Variants in PTPRD observed in about 807,000 individuals in gnomAD.
PTPRD encodes the protein protein tyrosine phosphatase receptor type D.
PTPRD carries 34 observed loss-of-function variants against 214.5 expected under a neutral mutation model. The observed-to-expected ratio is 0.16, with a 90% CI of 0.12 to 0.21. The LOEUF (loss-of-function observed/expected upper bound fraction) is 0.21, where lower values mean the gene tolerates loss of function less well. Among genes scored for constraint, PTPRD ranks in the 10% least tolerant of loss-of-function variants. The pLI is 1.00. For missense variants in PTPRD, 2,545 were observed against 2,398.7 expected, an observed-to-expected ratio of 1.06 and a Z score of -1.27; for synonymous variants, 1,128 against 845.7, an observed-to-expected ratio of 1.33 and a Z score of -5.79.
chr9:9,377,968 A>T (rs528431252), intron 9 of PTPRD, among the ~76,000 whole-genome samples: 1 of 152,200 alleles, frequency 6.6e-6, no homozygotes, highest in South Asian at 2.1e-4. Context: ...AGAGGAAAGT[A>T]CAGAGATTTC....
intron 11 of PTPRD, among the ~76,000 whole-genome samples, chr9:8,865,390 A>T (rs1479370349): frequency 6.6e-5 from 10 of 152,288 alleles, no homozygotes; most frequent in Non-Finnish European, 1.5e-5. Context: ...CTTTAAGCAC[A>T]ATAGGCATTT....
Position 8,962,538 on chromosome 9 carries a change from AAG to A in PTPRD, c.-104+56157_-104+56158del, listed in dbSNP as rs34968070. 1.4e-3 allele frequency among the ~76,000 whole-genome samples: 214 copies of A among 149,736 alleles called. 1 individual carries two copies. The highest frequency in any genetic ancestry group is 2.8e-3 in the Admixed American group (42 of 14,998). On this transcript the variant is annotated intron_variant, in intron 11 of 45. Coordinates refer to ENST00000381196, the MANE Select transcript of PTPRD (RefSeq NM_002839.4). ...AAAAGGAGAAAAGGAAGAAGAGAGA[AAG>A]AGAGAGAGAGAGAGAGCGAGAGCAC...
chr9:9,415,609 A>C (rs2076758838), intron 8 of PTPRD, among the ~76,000 whole-genome samples: 1 of 152,246 alleles, frequency 6.6e-6, no homozygotes, highest in South Asian at 2.1e-4. Context: ...ATATAAATTC[A>C]ACAGACACTG....
chr9:9,442,340 G>A (rs1301220078), intron 8 of PTPRD: 1 of 152,376 alleles, frequency 6.6e-6, no homozygotes, highest in East Asian at 1.9e-4. Flanking sequence ...TATAGCCACA[G>A]TTCCTTTCGC....
intron 8 of PTPRD, among the ~76,000 whole-genome samples, chr9:9,499,847 C>A (rs1367026332): frequency 6.6e-6 from 1 of 151,992 alleles, no homozygotes; most frequent in African/African-American, 2.4e-5. Flanking sequence ...AGATAAGAGA[C>A]TAATGAATTA....
chr9:10,015,721 G>C (rs1162156713), intron 4 of PTPRD, among the ~76,000 whole-genome samples: 1 of 152,140 alleles, frequency 6.6e-6, no homozygotes, highest in African/African-American at 2.4e-5. Flanking sequence ...AGAAAGAAGA[G>C]AAAGAGGTGG....
intron 2 of PTPRD, among the ~76,000 whole-genome samples, chr9:10,428,737 T>C (rs907712762): frequency 4.6e-5 from 7 of 152,068 alleles, no homozygotes; most frequent in African/African-American, 7.2e-5. Context: ...TTCTATTTGG[T>C]CCATGGTCTA....
chr9:8,888,540 C>T (rs2098510811), intron 11 of PTPRD, among the ~76,000 whole-genome samples: 1 of 152,122 alleles, frequency 6.6e-6, no homozygotes, highest in Non-Finnish European at 1.5e-5. Context: ...TCGTGTGAAA[C>T]CAAAATTCAT....
At chr9:9,778,951 CA>C (rs2098821164) in intron 5 of PTPRD, among the ~76,000 whole-genome samples, 1 of 151,724 alleles carries the variant, frequency 6.6e-6, no homozygotes, top group Non-Finnish European at 1.5e-5. Flanking sequence ...TACCCAACTT[CA>C]AACTATAAAG....
intron 9 of PTPRD, among the ~76,000 whole-genome samples, chr9:9,275,337 A>G (rs1945181606): frequency 6.8e-6 from 1 of 147,182 alleles, no homozygotes; most frequent in Non-Finnish European, 1.5e-5. Context: ...AGTTATTCTC[A>G]GAAAAAACTT....
chr9:9,507,738 T>A (rs559246766), intron 8 of PTPRD, among the ~76,000 whole-genome samples: 2 of 151,548 alleles, frequency 1.3e-5, no homozygotes, highest in African/African-American at 4.8e-5. Flanking sequence ...ATAACTCTAA[T>A]CTTAGTGTAT....
At chr9:8,499,530 T>G (rs2097349008) in intron 25 of PTPRD, 117 bp downstream of exon 25, 2 of 1,048,834 alleles carry the variant, frequency 1.9e-6, no homozygotes, top group Non-Finnish European at 2.7e-6. Flanking sequence ...AAATGAAAAC[T>G]AGAATTTTGT....
chr9:9,809,618 G>T (rs1424044747), intron 5 of PTPRD, among the ~76,000 whole-genome samples: 1 of 152,166 alleles, frequency 6.6e-6, no homozygotes, highest in African/African-American at 2.4e-5. Flanking sequence ...AAGTTTGAAT[G>T]AATCTTGTCA....
At chr9:9,454,062 T>C (rs887143326) in intron 8 of PTPRD, among the ~76,000 whole-genome samples, 8 of 151,768 alleles carry the variant, frequency 5.3e-5, no homozygotes, top group African/African-American at 1.9e-4. Context: ...CTGAAAGAAT[T>C]TCACGACAGA....
chr9:9,425,754 C>T (rs1156599420), intron 8 of PTPRD, among the ~76,000 whole-genome samples: 1 of 152,016 alleles, frequency 6.6e-6, no homozygotes, highest in Non-Finnish European at 1.5e-5. Flanking sequence ...GATTCAATTA[C>T]ATTTGGTTAG....
At chr9:9,080,198 G>T (rs970637895) in intron 10 of PTPRD, among the ~76,000 whole-genome samples, 4 of 151,972 alleles carry the variant, frequency 2.6e-5, no homozygotes, top group African/African-American at 9.7e-5. Context: ...GATGTCTAGA[G>T]AGTTTATACA....
At chr9:8,378,468 A>T (rs2083925265) in intron 37 of PTPRD, among the ~76,000 whole-genome samples, 1 of 152,116 alleles carries the variant, frequency 6.6e-6, no homozygotes. Context: ...TTTGTTTTAA[A>T]CCATGAAATA....
At chr9:10,207,140 T>C (rs2099487066) in intron 3 of PTPRD, among the ~76,000 whole-genome samples, 1 of 152,162 alleles carries the variant, frequency 6.6e-6, no homozygotes, top group South Asian at 2.1e-4. Context: ...CAAACAGTTC[T>C]TTTATGCTCC....
chr9:9,386,075 A>C (rs1394501537), intron 9 of PTPRD, among the ~76,000 whole-genome samples: 2 of 152,160 alleles, frequency 1.3e-5, no homozygotes, highest in Admixed American at 6.6e-5. Context: ...TTCCTACTAC[A>C]AAAAGAGGCA....
Sources: allele counts gnomAD v4.1 joint callset (sites outside exome capture counted in the v4.1 genomes callset), GRCh38; gene constraint gnomAD v4.1.1; transcripts MANE v1.5; gene names NCBI Gene and HGNC (gene_info 2026-07-23, HGNC 2026-07-21).